The following NRG1 variants were observed in gnomAD, a reference collection of about 807,000 sequenced individuals.
NRG1 encodes pro-neuregulin-1, membrane-bound isoform.
A neutral mutation model predicts 63.8 loss-of-function variants in NRG1; 18 were observed. The ratio of observed to expected loss-of-function variants is 0.28; its 90% CI spans 0.19 to 0.42. The LOEUF (loss-of-function observed/expected upper bound fraction) is 0.42, where lower values mean the gene tolerates loss of function less well. Among genes scored for constraint, NRG1 ranks in the 10% least tolerant of loss-of-function variants. NRG1 has a pLI of 1.00. For missense variants in NRG1, 762 were observed against 814.7 expected, an observed-to-expected ratio of 0.94 and a Z score of 0.79; for synonymous variants, 302 against 301.3, an observed-to-expected ratio of 1.00 and a Z score of -0.02.
At chr8:32,210,815 T>C (rs1002739265) in intron 1 of NRG1, among the ~76,000 whole-genome samples, 2 of 152,208 alleles carry the variant, frequency 1.3e-5, no homozygotes, top group Non-Finnish European at 2.9e-5. Flanking sequence ...TAGCTTTATC[T>C]CTGTCTACAG....
intron 5 of NRG1, among the ~76,000 whole-genome samples, chr8:32,618,305 G>A (rs1394790882): frequency 6.6e-6 from 1 of 151,864 alleles, no homozygotes; most frequent in Non-Finnish European, 1.5e-5. Context: ...ATTGAATAAA[G>A]TTATTGAAAC....
chr8:31,639,682 G>A (rs979655851), intron 1 of NRG1: 3 of 1,402,016 alleles, frequency 2.1e-6, no homozygotes, highest in Middle Eastern at 2.6e-4. Context: ...CGGCGCGGGG[G>A]GTGGGGGGAC....
chr8:31,658,037 G>A (rs1047671325), intron 1 of NRG1, among the ~76,000 whole-genome samples: 1 of 152,144 alleles, frequency 6.6e-6, no homozygotes, highest in African/African-American at 2.4e-5. Flanking sequence ...GAGTGGGGAG[G>A]ACTGCATACA....
intron 1 of NRG1, among the ~76,000 whole-genome samples, chr8:31,956,054 C>A (rs79972274): frequency 0.071 from 9,178 of 128,810 alleles, 1,232 homozygotes; most frequent in African/African-American, 0.26. Context: ...AAAAAAAAAA[C>A]AAAAAAACAA....
chr8:32,664,870 T>C (rs1319660906), intron 5 of NRG1, among the ~76,000 whole-genome samples: 1 of 152,190 alleles, frequency 6.6e-6, no homozygotes, highest in South Asian at 2.1e-4. Flanking sequence ...TATTGGGTTC[T>C]CCTAAGTCTT....
Position 32,364,957 on chromosome 8 carries a change from C to CTTTTTTT in NRG1, c.38-230858_38-230852dup, listed in dbSNP as rs372216683. 5.1e-4 allele frequency among the ~76,000 whole-genome samples: 55 copies of CTTTTTTT among 108,438 alleles called. 5 individuals are homozygous for CTTTTTTT. The highest frequency in any genetic ancestry group is 1.6e-3 in the African/African-American group (43 of 26,714). 71.1% of individuals were successfully genotyped at this position (108,438 alleles called of 152,430 possible). A position where few individuals can be genotyped will look rare whatever the true frequency, so the allele number is the denominator to read the frequency against. ...TGAATAAAATGTACTCCCTTTACTA[C>CTTTTTTT]TTTTTTTTTTTTTTTTTTTGAGACA... On this transcript the variant is annotated intron_variant, in intron 1 of 10. Transcript: ENST00000519301.
intron 1 of NRG1, among the ~76,000 whole-genome samples, chr8:32,483,643 C>G (rs994118918): frequency 6.6e-6 from 1 of 152,168 alleles, no homozygotes; most frequent in Non-Finnish European, 1.5e-5. Flanking sequence ...ATGTCGGAGG[C>G]TAGGTAAGTC....
At chr8:31,847,120 T>C (rs1826763633) in intron 1 of NRG1, among the ~76,000 whole-genome samples, 1 of 152,240 alleles carries the variant, frequency 6.6e-6, no homozygotes, top group Admixed American at 6.5e-5. Flanking sequence ...TTATTTGCCT[T>C]TTTGAATCTC....
chr8:31,750,310 A>G (rs1052783648), intron 1 of NRG1, among the ~76,000 whole-genome samples: 64 of 152,030 alleles, frequency 4.2e-4, no homozygotes, highest in South Asian at 6.2e-4. Flanking sequence ...AGAAAGAAGC[A>G]CCGTGCTCCA....
At position 32,027,946 on chromosome 8, in the gene NRG1, G is replaced by T. The variant is rs60343194; in HGVS notation, c.37+388515G>T. Reference sequence around the variant, plus strand: ...AACAGAAAAGCTACAAATTACAGTGGCTTAAAAAACAAAGGACATTTTTCT... The same window carrying T: ...AACAGAAAAGCTACAAATTACAGTGTCTTAAAAAACAAAGGACATTTTTCT... On this transcript the variant is annotated intron_variant, in intron 1 of 10. Coordinates refer to the NRG1 transcript ENST00000519301. 3.3e-5 allele frequency among the ~76,000 whole-genome samples: 5 copies of T among 152,242 alleles called. No homozygotes were observed. In the East Asian group the frequency reaches 9.6e-4, roughly 29 times the overall value.
chr8:31,850,694 T>C (rs1040665959), intron 1 of NRG1, among the ~76,000 whole-genome samples: 18 of 152,144 alleles, frequency 1.2e-4, no homozygotes, highest in African/African-American at 4.3e-4. Flanking sequence ...CATTGGACAA[T>C]ATTCACTCAT....
At chr8:32,147,291 C>T (rs996931464) in intron 1 of NRG1, among the ~76,000 whole-genome samples, 3 of 152,118 alleles carry the variant, frequency 2.0e-5, no homozygotes, top group Admixed American at 2.0e-4. Flanking sequence ...AGTGAAAAAC[C>T]AAATGTCTTC....
intron 1 of NRG1, among the ~76,000 whole-genome samples, chr8:31,658,431 T>G (rs1050104098): frequency 6.6e-6 from 1 of 152,200 alleles, no homozygotes; most frequent in Non-Finnish European, 1.5e-5. Flanking sequence ...TGAGATCATG[T>G]CTGTCGAGCA....
chr8:32,481,278 A>C (rs1375654819), intron 1 of NRG1, among the ~76,000 whole-genome samples: 4 of 152,150 alleles, frequency 2.6e-5, no homozygotes, highest in Non-Finnish European at 1.5e-5. Context: ...TGGCAGGCGG[A>C]GGTTGCAGTG....
chr8:32,595,738 C>G, intron 1 of NRG1, 90 bp from the exon 2 acceptor site: 1 of 1,193,876 alleles, frequency 8.4e-7, no homozygotes, highest in Non-Finnish European at 1.2e-6. Flanking sequence ...TGGAATGGTG[C>G]CTTGATCAGG....
chr8:31,671,435 C>T (rs1229557171), intron 1 of NRG1, among the ~76,000 whole-genome samples: 1 of 152,098 alleles, frequency 6.6e-6, no homozygotes, highest in Non-Finnish European at 1.5e-5. Context: ...TTTTATGTAG[C>T]TGGCAAACTT....
chr8:32,758,217 A>G (rs1331381805), intron 9 of NRG1, among the ~76,000 whole-genome samples: 2 of 152,176 alleles, frequency 1.3e-5, no homozygotes, highest in Admixed American at 6.5e-5. Flanking sequence ...TTAAAACACA[A>G]CTTCAAAAAG....
intron 1 of NRG1, among the ~76,000 whole-genome samples, chr8:32,511,875 G>A (rs1829264105): frequency 6.6e-6 from 1 of 152,198 alleles, no homozygotes; most frequent in Admixed American, 6.5e-5. Flanking sequence ...ACAGCCCCAG[G>A]GAGCTGTGAT....
intron 1 of NRG1, among the ~76,000 whole-genome samples, chr8:31,989,713 C>A (rs145545078): frequency 6.6e-6 from 1 of 152,074 alleles, no homozygotes; most frequent in African/African-American, 2.4e-5. Flanking sequence ...TCATGCCCTA[C>A]TATTTCTTTT....
Sources: allele counts gnomAD v4.1 joint callset (sites outside exome capture counted in the v4.1 genomes callset), GRCh38; gene constraint gnomAD v4.1.1; transcripts MANE v1.5; gene names NCBI Gene and HGNC (gene_info 2026-07-23, HGNC 2026-07-21).